ADCY7: variants seen among roughly 807,000 people sequenced by gnomAD.
ADCY7 encodes the protein adenylate cyclase type 7.
Under a neutral mutation model 120.6 loss-of-function variants are expected in ADCY7, and 72 were observed. That is an observed-to-expected ratio of 0.60 (90% CI 0.49 to 0.73). ADCY7 has a LOEUF of 0.73. Ranked by LOEUF, ADCY7 falls within the 30% of genes least tolerant of loss-of-function variation. The pLI is 0.00. For missense variants in ADCY7, 1,227 were observed against 1,486.0 expected (o/e 0.83, Z 2.87); for synonymous variants, 661 against 628.0 (o/e 1.05, Z -0.78).
chr16:50,246,221 G>T (rs1295078529), intron 1 of ADCY7: 3 of 149,532 alleles, frequency 2.0e-5, no homozygotes, highest in Non-Finnish European at 4.5e-5. Context: ...CGGGGCGCGG[G>T]GGAGCGCGGC....
At chr16:50,314,608 G>A (rs1486437873) in intron 24 of ADCY7, 7 of 538,544 alleles carry the variant, frequency 1.3e-5, no homozygotes, top group African/African-American at 7.6e-5. Flanking sequence ...TTAATAATAC[G>A]TAACTACAGA....
Position 50,311,862 on chromosome 16 carries a change from T to TGGGGC in ADCY7, c.2448+80_2448+81insCGGGG, listed in dbSNP as rs1233110123. 60 of 1,186,952 alleles carry TGGGGC rather than the reference T, an allele frequency of 5.1e-5. No individual in the cohort carries two copies. In the Admixed American group the frequency reaches 1.1e-3, roughly 23 times the overall value. The allele number at this position is 1,186,952 out of a possible 1,614,324, so 73.5% of individuals were successfully genotyped here. On this transcript the variant is annotated intron_variant, in intron 20 of 25. Transcript: ENST00000673801. ...ACCTCCATCTGGAGATGGGGTGGGG[T>TGGGGC]GGGGTGGGCTCAGGTGGAGTAGCAG...
chr16:50,315,329 T>A (rs773405358), intron 25 of ADCY7, 30 bp from the exon 26 acceptor site: 2 of 1,597,506 alleles, frequency 1.3e-6, no homozygotes, highest in Non-Finnish European at 1.7e-6. Flanking sequence ...TTCCCGCCTC[T>A]GAAGACAACA....
At chr16:50,269,523 C>A (rs1043355218) in intron 1 of ADCY7, among the ~76,000 whole-genome samples, 2 of 152,190 alleles carry the variant, frequency 1.3e-5, no homozygotes, top group African/African-American at 4.8e-5. Context: ...CGTGGCTGGG[C>A]CAGGGTGGGC....
chr16:50,314,433 G>A (rs183874622), intron 24 of ADCY7, 27 bp downstream of exon 24: 2 of 1,583,128 alleles, frequency 1.3e-6, no homozygotes, highest in Admixed American at 1.7e-5. Flanking sequence ...GAGCGGGGTG[G>A]GGAGCCCCTG....
Position 50,315,591 on chromosome 16 carries a change from A to G in ADCY7, c.*86A>G. 1 of 1,522,514 alleles carries G rather than the reference A, an allele frequency of 6.6e-7. No homozygotes were observed. Among genetic ancestry groups the G allele is most frequent in the Non-Finnish European group, 8.9e-7 (1 of 1,119,522 alleles). The allele number at this position is 1,522,514 out of a possible 1,614,324, so 94.3% of individuals were successfully genotyped here. A position where few individuals can be genotyped will look rare whatever the true frequency, so the allele number is the denominator to read the frequency against. On this transcript the variant is annotated 3_prime_UTR_variant, in exon 26 of 26. Transcript: ENST00000673801. ...GGAGAAGACTCTCCGCCCCACGCCA[A>G]TCCCAAAGGCATGCAGATGGCTGTG...
intron 1 of ADCY7, among the ~76,000 whole-genome samples, chr16:50,287,577 G>A (rs1412383969): frequency 6.6e-6 from 1 of 151,756 alleles, no homozygotes; most frequent in African/African-American, 2.4e-5. Context: ...CTACGTAGGA[G>A]GCTGAGGTGG....
intron 1 of ADCY7, among the ~76,000 whole-genome samples, chr16:50,257,048 A>C (rs2032936062): frequency 6.6e-6 from 1 of 152,166 alleles, no homozygotes; most frequent in African/African-American, 2.4e-5. Context: ...CTAGGCACAG[A>C]AGGACAAATA....
intron 11 of ADCY7, 21 bp downstream of exon 11, chr16:50,304,572 G>T: frequency 6.6e-7 from 1 of 1,518,766 alleles, no homozygotes; most frequent in South Asian, 1.3e-5. Flanking sequence ...CTCCCACCCA[G>T]AAAGCCAGGG....
upstream of ADCY7, among the ~76,000 whole-genome samples, chr16:50,262,907 A>C (rs981319211): frequency 2.0e-5 from 3 of 152,210 alleles, no homozygotes; most frequent in African/African-American, 7.2e-5. Flanking sequence ...TTTGTTCAGC[A>C]CACTTGGGAG....
Position 50,294,745 on chromosome 16 carries a change from C to T in ADCY7, c.942C>T (p.Ile314=), listed in dbSNP as rs1350685098. ...LNELFGKFDQ[I]AKANECMRIK... ...AGCTCTTTGGCAAGTTCGACCAGATCGCCAAGGTGAGCCCGCTGGCCTACA... is the reference window on the plus strand; with the variant it reads ...AGCTCTTTGGCAAGTTCGACCAGATTGCCAAGGTGAGCCCGCTGGCCTACA... Residue 314 remains isoleucine, a synonymous_variant, in exon 7 of 26, where the codon ATC becomes ATT. Transcript: ENST00000673801. The T allele has an allele frequency of 1.1e-5, 18 of 1,611,742 alleles. No homozygotes were observed. The highest frequency in any genetic ancestry group is 1.4e-5 in the Non-Finnish European group (17 of 1,178,568).
At chr16:50,290,384 C>T (rs370549405) in intron 2 of ADCY7, 73 bp from the exon 3 acceptor site, 193 of 1,552,492 alleles carry the variant, frequency 1.2e-4, no homozygotes, top group African/African-American at 2.7e-4. Context: ...GCAGCCGGCC[C>T]GGCAGGCTTT....
intron 7 of ADCY7, 90 bp from the exon 8 acceptor site, chr16:50,298,814 G>A (rs2035524942): frequency 2.0e-6 from 3 of 1,521,348 alleles, no homozygotes; most frequent in Admixed American, 3.8e-5. Flanking sequence ...GAGAGAGCCG[G>A]GTGCACCCTG....
In ADCY7 at chr16:50,288,118, GC is replaced by G; in HGVS notation, c.-59del. ...CGGGGGAGGGTGTTGGCAGACAGAT[GC>G]CCTCCAGGCCCTGGGGCCTCCTTAA... is the stretch of plus-strand genomic sequence containing the variant. On this transcript the variant is annotated 5_prime_UTR_variant, in exon 2 of 26. An upstream open reading frame in the 5' UTR gains an earlier in-frame stop. Transcript: ENST00000673801. 2 of 1,477,156 alleles carry G rather than the reference GC, an allele frequency of 1.4e-6. No individual in the cohort carries two copies. The highest frequency in any genetic ancestry group is 1.8e-6 in the Non-Finnish European group (2 of 1,108,026). The allele number at this position is 1,477,156 out of a possible 1,614,324, so 91.5% of individuals were successfully genotyped here.
chr16:50,299,148 G>A, intron 8 of ADCY7, 117 bp downstream of exon 8: 1 of 1,370,982 alleles, frequency 7.3e-7, no homozygotes, highest in Admixed American at 2.8e-5. Flanking sequence ...CGGGGGGTTG[G>A]GGGTGAAAGC....
intron 23 of ADCY7, 67 bp downstream of exon 23, chr16:50,314,129 T>C: frequency 6.7e-7 from 1 of 1,502,358 alleles, no homozygotes; most frequent in Non-Finnish European, 9.2e-7. Context: ...TCACCTTACT[T>C]AAAGGGTGTG....
At chr16:50,264,029 A>C (rs2033126490), upstream of ADCY7, among the ~76,000 whole-genome samples, 1 of 152,184 alleles carries the variant, frequency 6.6e-6, no homozygotes, top group Admixed American at 6.5e-5. Flanking sequence ...TTCAATGTAC[A>C]GGGTAATGAG....
At chr16:50,303,834 G>T (rs1276636965) in intron 10 of ADCY7, among the ~76,000 whole-genome samples, 1 of 152,164 alleles carries the variant, frequency 6.6e-6, no homozygotes, top group East Asian at 1.9e-4. Context: ...GGGGCGGCTA[G>T]CACCCCTCTT....
At chr16:50,285,800 T>G (rs2034544406) in intron 1 of ADCY7, among the ~76,000 whole-genome samples, 1 of 152,190 alleles carries the variant, frequency 6.6e-6, no homozygotes, top group South Asian at 2.1e-4. Context: ...TTTTGGTAAT[T>G]TTCCTACCTT....
Sources: gnomAD v4.1 joint callset for allele counts (sites outside exome capture counted in the v4.1 genomes callset) on GRCh38, gnomAD v4.1.1 for gene constraint, MANE v1.5 for transcripts, NCBI Gene and HGNC (gene_info 2026-07-23, HGNC 2026-07-21) for gene names.